PIK3C3: variants seen among roughly 807,000 people sequenced by gnomAD.
PIK3C3 encodes phosphatidylinositol 3-kinase catalytic subunit type 3.
In PIK3C3, 95 loss-of-function variants were observed where a neutral mutation model predicts 126.1. The observed-to-expected ratio is 0.75, with a 90% CI of 0.64 to 0.89. PIK3C3 has a LOEUF of 0.89. PIK3C3 is among the 40% of genes least tolerant of loss of function. The pLI is 0.00. For missense variants in PIK3C3, 829 were observed against 1,063.2 expected (o/e 0.78, Z 3.06); for synonymous variants, 374 against 360.0 (o/e 1.04, Z -0.44).
chr18:42,053,632 G>A lies in PIK3C3; in HGVS notation c.2263+4027G>A, dbSNP rs141513191. Among the ~76,000 whole-genome samples the A allele has an allele frequency of 2.1e-3, 324 of 152,198 alleles. 1 individual carries two copies. The highest frequency in any genetic ancestry group is 3.3e-3 in the Non-Finnish European group (225 of 67,976). ...CCAAGAATCATTGTCCTTAGGAGAA[G>A]CTTTAAAAAGCTTACTTAGGGCGAT... On this transcript the variant is annotated intron_variant, in intron 21 of 24. Transcript: ENST00000262039.
chr18:42,078,471 A>T (rs1268186069), intron 24 of PIK3C3, among the ~76,000 whole-genome samples: 1 of 151,832 alleles, frequency 6.6e-6, no homozygotes, highest in Non-Finnish European at 1.5e-5. Context: ...TCATTTGTAG[A>T]TCAAAGGCAG....
At chr18:41,981,983 CAAA>C (rs374935925) in intron 4 of PIK3C3, among the ~76,000 whole-genome samples, 1 of 139,230 alleles carries the variant, frequency 7.2e-6, no homozygotes, top group Admixed American at 7.2e-5. Context: ...GACCCTGTCT[CAAA>C]AAAAAAAAGG....
intron 22 of PIK3C3, among the ~76,000 whole-genome samples, chr18:42,061,341 G>A (rs1200315044): frequency 2.0e-5 from 3 of 152,088 alleles, no homozygotes; most frequent in African/African-American, 4.8e-5. Context: ...CCAGCACCTC[G>A]GGAGGTCGAG....
Position 42,066,732 on chromosome 18 carries a change from A to G in PIK3C3, c.2524-656A>G, listed in dbSNP as rs115785525. Among the ~76,000 whole-genome samples, 1,362 of 152,298 alleles carry G rather than the reference A, an allele frequency of 8.9e-3. 18 individuals carry two copies. Among genetic ancestry groups the G allele is most frequent in the African/African-American group, 0.031 (1,309 of 41,562 alleles). On this transcript the variant is annotated intron_variant, in intron 23 of 24. Transcript: ENST00000262039. ...AAAATATACGCACATAAATATACAT[A>G]CTAGTTTTTCTAGTACTTAATGCTA...
intron 24 of PIK3C3, among the ~76,000 whole-genome samples, chr18:42,073,657 A>T (rs1009292094): frequency 6.6e-6 from 1 of 151,700 alleles, no homozygotes; most frequent in Non-Finnish European, 1.5e-5. Context: ...AAAGCTTCTG[A>T]TTTTGGACTT....
In PIK3C3 at chr18:41,962,503, T is replaced by C. The variant is rs1980142410; in HGVS notation, c.272T>C (p.Leu91Pro). 1 of 1,609,868 alleles carries C rather than the reference T, an allele frequency of 6.2e-7. No homozygotes were observed. Among genetic ancestry groups the C allele is most frequent in the Non-Finnish European group, 8.5e-7 (1 of 1,177,388 alleles). The change falls in exon 3 of 25, where the codon CTG becomes CCG. Residue 91 changes from leucine to proline, a missense_variant. Physicochemically the swap from Leu to Pro is moderately conservative, Grantham distance 98. Around this residue, in one of 4 missense-constraint regions of PIK3C3, gnomAD observed 313 missense variants for 340.7 expected, o/e 0.92. Coordinates refer to ENST00000262039, the MANE Select transcript of PIK3C3 (RefSeq NM_002647.4). ...CATTTCCATAGCTGGAATGAATGGC[T>C]GAAACTACCAGTAAAATACCCTGAC... is the stretch of plus-strand genomic sequence containing the variant. ...FSTRWNWNEW[L>P]KLPVKYPDLP...
chr18:42,015,110 T>C (rs1373924369), intron 11 of PIK3C3, among the ~76,000 whole-genome samples: 3 of 152,188 alleles, frequency 2.0e-5, no homozygotes, highest in Non-Finnish European at 4.4e-5. Context: ...AGCTCTGTTA[T>C]GTTTTTAAGA....
At chr18:42,041,191 C>CA (rs967969717) in intron 19 of PIK3C3, among the ~76,000 whole-genome samples, 56 of 150,934 alleles carry the variant, frequency 3.7e-4, no homozygotes, top group African/African-American at 6.1e-4. Flanking sequence ...CAAAAAAAAA[C>CA]AAAAAAAACC....
rs373197728 is a variant in PIK3C3 at position 42,064,116 on chromosome 18, GT to G, written c.2433-622del. 1.2e-4 allele frequency among the ~76,000 whole-genome samples: 18 copies of G among 152,302 alleles called. No individual in the cohort carries two copies. In the East Asian group the frequency reaches 3.5e-3, roughly 29 times the overall value. The stretch of plus-strand genomic sequence containing the variant: ...GAGGATTGGTGAAGAGAAACTGTTA[GT>G]TCCTGTTGGAGGCCAGCATACTCTG... On this transcript the variant is annotated intron_variant, in intron 22 of 24. Transcript: ENST00000262039.
At position 42,082,590 on chromosome 18, in the gene PIK3C3, T is replaced by G. The variant is rs1038568241; in HGVS notation, c.*1453T>G. 1 of 152,202 alleles carries G rather than the reference T, an allele frequency of 6.6e-6. No individual in the cohort carries two copies. The highest frequency in any genetic ancestry group is 2.4e-5 in the African/African-American group (1 of 41,454). The allele number at this position is 152,202 out of a possible 1,614,324, so 9.4% of individuals were successfully genotyped here. ...CTTTTTTGTTATTAGTCAGACATTTTTAGCCCTCTGTATGCTCATTCTTGT... is the reference window on the plus strand; with the variant it reads ...CTTTTTTGTTATTAGTCAGACATTTGTAGCCCTCTGTATGCTCATTCTTGT... On this transcript the variant is annotated 3_prime_UTR_variant, in exon 25 of 25. Transcript: ENST00000262039.
intron 16 of PIK3C3, among the ~76,000 whole-genome samples, chr18:42,035,300 C>A (rs929969174): frequency 4.6e-5 from 7 of 152,100 alleles, no homozygotes; most frequent in African/African-American, 1.7e-4. Context: ...TTCTTGAACA[C>A]TAAGGACTCA....
At chr18:42,020,550 G>A in intron 12 of PIK3C3, 88 bp from the exon 13 acceptor site, 1 of 802,790 alleles carries the variant, frequency 1.2e-6, no homozygotes, top group Non-Finnish European at 2.0e-6. Context: ...ATATACAGAT[G>A]AAAACTGATA....
chr18:41,975,602 A>G (rs1474841827), intron 4 of PIK3C3, among the ~76,000 whole-genome samples: 1 of 152,094 alleles, frequency 6.6e-6, no homozygotes. Flanking sequence ...AAATGTAAGT[A>G]GTCTTCATGA....
chr18:41,985,501 A>T (rs189904858), intron 4 of PIK3C3, among the ~76,000 whole-genome samples: 6 of 152,276 alleles, frequency 3.9e-5, no homozygotes, highest in Admixed American at 2.0e-4. Context: ...TTTGCACTCA[A>T]CAATATCTTT....
intron 24 of PIK3C3, among the ~76,000 whole-genome samples, chr18:42,071,809 T>G (rs560275427): frequency 2.6e-5 from 4 of 152,234 alleles, no homozygotes; most frequent in African/African-American, 7.2e-5. Flanking sequence ...TACCAGAATT[T>G]CATACTCTTT....
At chr18:42,030,372 A>T (rs932158648) in intron 15 of PIK3C3, among the ~76,000 whole-genome samples, 1 of 152,184 alleles carries the variant, frequency 6.6e-6, no homozygotes, top group Non-Finnish European at 1.5e-5. Context: ...AGCCTAAATG[A>T]TATGAAAGAT....
chr18:42,079,306 G>T (rs572423634), intron 24 of PIK3C3, among the ~76,000 whole-genome samples: 1 of 152,338 alleles, frequency 6.6e-6, no homozygotes, highest in Admixed American at 6.5e-5. Context: ...GGAATGGCCA[G>T]TTGGTGGAGT....
intron 22 of PIK3C3, among the ~76,000 whole-genome samples, chr18:42,063,978 G>A (rs1985430720): frequency 6.6e-6 from 1 of 152,160 alleles, no homozygotes; most frequent in Admixed American, 6.5e-5. Flanking sequence ...ACTACCCAAA[G>A]TGGAGAGGTC....
chr18:42,002,768 G>T (rs566463637), intron 9 of PIK3C3, among the ~76,000 whole-genome samples: 175 of 152,282 alleles, frequency 1.1e-3, no homozygotes, highest in Non-Finnish European at 2.1e-3. Context: ...ATGATTAGAA[G>T]AGAAACTCGT....
Sources: allele counts gnomAD v4.1 joint callset (sites outside exome capture counted in the v4.1 genomes callset), GRCh38; gene constraint gnomAD v4.1.1; regional missense constraint gnomAD v4.1.1; transcripts MANE v1.5; gene names NCBI Gene and HGNC (gene_info 2026-07-23, HGNC 2026-07-21).